CFAP46: variants seen among roughly 807,000 people sequenced by gnomAD.
CFAP46 encodes cilia and flagella associated protein 46.
Under a neutral mutation model 325.7 loss-of-function variants are expected in CFAP46, and 245 were observed. The ratio of observed to expected loss-of-function variants is 0.75; its 90% CI spans 0.68 to 0.84. CFAP46 has a LOEUF of 0.84. Ranked by LOEUF, CFAP46 falls within the 40% of genes least tolerant of loss-of-function variation. The pLI is 0.00. For missense variants in CFAP46, 3,346 were observed against 3,543.0 expected (o/e 0.94, Z 1.41); for synonymous variants, 1,523 against 1,495.9 (o/e 1.02, Z -0.42).
intron 50 of CFAP46, among the ~76,000 whole-genome samples, chr10:132,823,369 CTGTGTGCTGTGTGTGCACTGA>C (rs1797982203): frequency 9.4e-6 from 1 of 106,206 alleles, no homozygotes; most frequent in Non-Finnish European, 1.8e-5. Context: ...CTGATGTGTG[CTGTGTGCTGTGTGTGCACTGA>C]TGTGTGCTGT....
chr10:132,809,718 C>T (rs376491225), intron 57 of CFAP46, among the ~76,000 whole-genome samples: 16 of 152,188 alleles, frequency 1.1e-4, no homozygotes, highest in African/African-American at 3.9e-4. Flanking sequence ...TGGCTCCTCC[C>T]GCCTCACCGT....
chr10:132,879,448 G>A lies in CFAP46; in HGVS notation c.3983C>T (p.Ala1328Val), dbSNP rs1849005234. Reference sequence around the variant, plus strand: ...CACCTGCCAGATGTGCCTGAAGAAGGCGTAGGCTGCAAGGCAGCAGTCCTC... The same window carrying A: ...CACCTGCCAGATGTGCCTGAAGAAGACGTAGGCTGCAAGGCAGCAGTCCTC... Reference protein sequence around the residue: ...GYEDCCLAAYAFFRHIWQVSL... With the variant: ...GYEDCCLAAYVFFRHIWQVSL... The change falls in exon 29 of 58, where the codon GCC (alanine) becomes GTC (valine). Residue 1328 changes from alanine (A) to valine (V), a missense_variant. By Grantham distance (64) the Ala-to-Val change is moderately conservative. Transcript: ENST00000368586. 6.5e-7 allele frequency: 1 copy of A among 1,535,124 alleles called. No homozygotes were observed. Among genetic ancestry groups the A allele is most frequent in the African/African-American group, 1.4e-5 (1 of 72,736 alleles).
At chr10:132,920,032 T>C (rs1849697837) in intron 14 of CFAP46, 27 bp downstream of exon 14, 3 of 1,513,654 alleles carry the variant, frequency 2.0e-6, no homozygotes, top group South Asian at 1.3e-5. Flanking sequence ...GAGCTGTGCG[T>C]GGCGCTCTGG....
At chr10:132,907,917 C>T (rs895620890) in intron 22 of CFAP46, among the ~76,000 whole-genome samples, 9 of 152,252 alleles carry the variant, frequency 5.9e-5, no homozygotes, top group African/African-American at 1.9e-4. Flanking sequence ...TGCCACACCT[C>T]GATGGCACTT....
At chr10:132,815,831 T>C (rs982080447) in intron 50 of CFAP46, among the ~76,000 whole-genome samples, 1 of 152,088 alleles carries the variant, frequency 6.6e-6, no homozygotes, top group South Asian at 2.1e-4. Flanking sequence ...TGATGGCAGC[T>C]TATCTTTTTA....
At chr10:132,887,539 CTCTTCTCTCCTCTCCCT>C (rs1849169251) in intron 25 of CFAP46, among the ~76,000 whole-genome samples, 2 of 105,078 alleles carry the variant, frequency 1.9e-5, no homozygotes, top group African/African-American at 3.6e-5. Context: ...CTCCTCTCCC[CTCTTCTCTCCTCTCCCT>C]TCTTCTCTCT....
In CFAP46 at chr10:132,885,228, C is replaced by G. The variant is rs1316079195; in HGVS notation, c.3502G>C (p.Glu1168Gln). 6.4e-7 allele frequency: 1 copy of G among 1,550,450 alleles called. No homozygotes were observed. The highest frequency in any genetic ancestry group is 2.0e-5 in the Admixed American group (1 of 51,004). Residue 1168 changes from glutamate (E) to glutamine (Q), a missense_variant, in exon 27 of 58, where the codon GAA (glutamate) becomes CAA (glutamine). Physicochemically the swap from Glu to Gln is conservative, Grantham distance 29. Coordinates refer to ENST00000368586, the MANE Select transcript of CFAP46 (RefSeq NM_001200049.3). Reference protein sequence around the residue: ...KAKLGQNFSMEIQKFKAESED... With the variant: ...KAKLGQNFSMQIQKFKAESED... ...CTCTCGGCCTTGAATTTCTGTATTT[C>G]CATCGAAAAATTCTGCCCGAGCTTG...
intron 19 of CFAP46, 35 bp downstream of exon 19, chr10:132,912,604 CCTCTCTCTCTCTCTCT>C (rs59827475): frequency 2.2e-5 from 29 of 1,324,834 alleles, no homozygotes; most frequent in African/African-American, 9.7e-5. Context: ...TCTCCTCTCT[CCTCTCTCTCTCTCTCT>C]CTCTCTCTCT....
intron 21 of CFAP46, 45 bp downstream of exon 21, chr10:132,909,092 T>C (rs1849502023): frequency 1.4e-6 from 2 of 1,417,472 alleles, no homozygotes; most frequent in Admixed American, 2.0e-5. Flanking sequence ...CTCGGCGTCC[T>C]CGCCTCTTGG....
intron 7 of CFAP46, among the ~76,000 whole-genome samples, chr10:132,935,142 G>A (rs1015998270): frequency 3.3e-5 from 5 of 152,034 alleles, no homozygotes; most frequent in African/African-American, 4.8e-5. Flanking sequence ...AGCCAAACAC[G>A]GGAAATGTGG....
In CFAP46 at chr10:132,939,959, C is replaced by T. The variant is rs1307223521; in HGVS notation, c.371+1037G>A. On this transcript the variant is annotated intron_variant, in intron 4 of 57. Transcript: ENST00000368586. This position sits in a 1 kb window ranked among gnomAD's most constrained non-coding sequence, Gnocchi z 4.6. Reference sequence around the variant, plus strand: ...TCCCAAAGATGGTCCTGACCTCTGGCAAGGCTCTGTCACCCCCTGACCCGT... The same window carrying T: ...TCCCAAAGATGGTCCTGACCTCTGGTAAGGCTCTGTCACCCCCTGACCCGT... 2.6e-5 allele frequency among the ~76,000 whole-genome samples: 4 copies of T among 152,184 alleles called. No individual in the cohort carries two copies. Among genetic ancestry groups the T allele is most frequent in the African/African-American group, 9.7e-5 (4 of 41,448 alleles).
intron 44 of CFAP46, among the ~76,000 whole-genome samples, chr10:132,844,639 G>A (rs1848404892): frequency 6.6e-6 from 1 of 152,116 alleles, no homozygotes; most frequent in Non-Finnish European, 1.5e-5. Flanking sequence ...CACATGTCAA[G>A]CCCCAGGCCG....
At chr10:132,841,229 C>T (rs184426238) in intron 44 of CFAP46, among the ~76,000 whole-genome samples, 85 of 152,360 alleles carry the variant, frequency 5.6e-4, no homozygotes, top group Middle Eastern at 3.4e-3. Flanking sequence ...AAAACAAGTT[C>T]TCTACTTCCG....
At position 132,828,059 on chromosome 10, in the gene CFAP46, C is replaced by A. The variant is rs574702568; in HGVS notation, c.7117+5299G>T. Among the ~76,000 whole-genome samples, 90 of 152,358 alleles carry A rather than the reference C, an allele frequency of 5.9e-4. No homozygotes were observed. Among genetic ancestry groups the A allele is most frequent in the African/African-American group, 2.1e-3 (87 of 41,586 alleles). On this transcript the variant is annotated intron_variant, in intron 50 of 57. Transcript: ENST00000368586. This position sits in a 1 kb window ranked among gnomAD's most constrained non-coding sequence, Gnocchi z 4.9. ...GCCGGGCAGGACCCCACCACGTGGC[C>A]GCACCCCAATGTGCTCATCGCCCAC... is the stretch of plus-strand genomic sequence containing the variant.
Position 132,877,993 on chromosome 10 carries a change from T to C in CFAP46, c.4100A>G (p.Asn1367Ser). Residue 1367 changes from asparagine to serine, a missense_variant, in exon 30 of 58, where the codon AAT (asparagine) becomes AGT (serine). Physicochemically the swap from Asn to Ser is conservative, Grantham distance 46. Transcript: ENST00000368586. The surrounding 1 kb of genome is among the most constrained non-coding windows in gnomAD (Gnocchi z 5.7). The part of the protein sequence containing the change: ...HLLLPKKEKE[N>S]ERSKEKEKER... ...CTTCTCCTTCTCTTTACTCCTCTCA[T>C]TCTCCTTCTCTTTTTTAGGCAATAA... 1 of 1,550,500 alleles carries C rather than the reference T, an allele frequency of 6.4e-7. No homozygotes were observed. The highest frequency in any genetic ancestry group is 1.4e-5 in the African/African-American group (1 of 73,036).
At chr10:132,908,233 C>A in intron 22 of CFAP46, 1 of 559,260 alleles carries the variant, frequency 1.8e-6, no homozygotes. Flanking sequence ...TGGTGGAGTG[C>A]TCACCTGCTC....
At position 132,926,655 on chromosome 10, in the gene CFAP46, C is replaced by T. The variant is rs749709492; in HGVS notation, c.978G>A (p.Lys326=). ...ACTCCAGACATTCCATTTCAATAAG[C>T]TTCCCAGGATCCTGCAGATATAAAC... ...LKKMESKDPG[K]LIEMECLECE... is the part of the protein sequence containing the mutation. Residue 326 remains lysine, a synonymous_variant, in exon 10 of 58, where the codon AAG becomes AAA. Coordinates refer to ENST00000368586, the MANE Select transcript of CFAP46 (RefSeq NM_001200049.3). 577 of 1,535,846 alleles carry T rather than the reference C, an allele frequency of 3.8e-4. No homozygotes were observed. The highest frequency in any genetic ancestry group is 4.8e-4 in the Non-Finnish European group (551 of 1,146,640).
intron 41 of CFAP46, among the ~76,000 whole-genome samples, chr10:132,848,742 C>T (rs1806790): frequency 0.33 from 49,885 of 152,118 alleles, 9,679 homozygotes; most frequent in Admixed American, 0.49. Context: ...CACTCGGGCC[C>T]CCTCTCCGCC....
At chr10:132,909,110 C>T in intron 21 of CFAP46, 27 bp downstream of exon 21, 6 of 1,515,088 alleles carry the variant, frequency 4.0e-6, no homozygotes, top group Non-Finnish European at 5.4e-6. Context: ...TGGCCCCTGG[C>T]CTCCCGGGAC....
Sources: allele counts gnomAD v4.1 joint callset (sites outside exome capture counted in the v4.1 genomes callset), GRCh38; gene constraint gnomAD v4.1.1; non-coding constraint Gnocchi (gnomAD v3.1); transcripts MANE v1.5; gene names NCBI Gene and HGNC (gene_info 2026-07-23, HGNC 2026-07-21).